Variants in CACNA2D1 observed in about 807,000 individuals in gnomAD.
CACNA2D1 encodes voltage-dependent calcium channel subunit alpha-2/delta-1.
Under a neutral mutation model 171.5 loss-of-function variants are expected in CACNA2D1, and 53 were observed. That is an observed-to-expected ratio of 0.31 (90% CI 0.25 to 0.39). The LOEUF is 0.39. CACNA2D1 is among the 10% of genes least tolerant of loss of function. The probability of loss-of-function intolerance (pLI) is 1.00; values close to 1 mark genes in which losing one functional copy is unlikely to be tolerated. For missense variants in CACNA2D1, 903 were observed against 1,299.8 expected (o/e 0.69, Z 4.69); for synonymous variants, 442 against 443.1 (o/e 1.00, Z 0.03).
intron 1 of CACNA2D1, among the ~76,000 whole-genome samples, chr7:82,373,425 T>C (rs2129448494): frequency 6.6e-6 from 1 of 152,314 alleles, no homozygotes; most frequent in Non-Finnish European, 1.5e-5. Context: ...CTCCCGTCTG[T>C]TCCTCAAGCA....
chr7:81,986,861 A>G (rs1797027766), intron 21 of CACNA2D1, among the ~76,000 whole-genome samples: 1 of 152,188 alleles, frequency 6.6e-6, no homozygotes. Context: ...CATTTACAAA[A>G]TGTACAGCAG....
At chr7:82,204,198 C>A (rs763420107) in intron 3 of CACNA2D1, among the ~76,000 whole-genome samples, 7 of 152,166 alleles carry the variant, frequency 4.6e-5, no homozygotes, top group Non-Finnish European at 1.0e-4. Context: ...CAGGTGTGGA[C>A]AAAGTAGTCA....
intron 1 of CACNA2D1, among the ~76,000 whole-genome samples, chr7:82,389,325 C>T (rs1032422378): frequency 2.6e-5 from 4 of 151,516 alleles, no homozygotes; most frequent in African/African-American, 7.3e-5. Context: ...GTTATCTCTG[C>T]CACCCTGCAA....
intron 3 of CACNA2D1, among the ~76,000 whole-genome samples, chr7:82,281,905 G>C (rs1585324078): frequency 1.3e-5 from 2 of 151,890 alleles, no homozygotes; most frequent in Non-Finnish European, 2.9e-5. Context: ...TTTCATGATA[G>C]CAATTTTGAA....
At chr7:82,290,684 C>T (rs944462588) in intron 3 of CACNA2D1, among the ~76,000 whole-genome samples, 10 of 151,498 alleles carry the variant, frequency 6.6e-5, no homozygotes, top group Non-Finnish European at 1.0e-4. Flanking sequence ...ACAACCTCTG[C>T]CTCCTAGGTT....
At chr7:82,148,103 A>G (rs909897624) in intron 4 of CACNA2D1, among the ~76,000 whole-genome samples, 2 of 152,178 alleles carry the variant, frequency 1.3e-5, no homozygotes, top group Non-Finnish European at 2.9e-5. Context: ...ACAATAATCA[A>G]ATAGAATAAT....
chr7:82,325,908 G>T (rs1242618193), intron 3 of CACNA2D1, among the ~76,000 whole-genome samples: 1 of 152,236 alleles, frequency 6.6e-6, no homozygotes, highest in East Asian at 1.9e-4. Context: ...CCCATGTCTG[G>T]ATAGGTTTCC....
intron 1 of CACNA2D1, among the ~76,000 whole-genome samples, chr7:82,438,457 T>C (rs1201195506): frequency 6.6e-6 from 1 of 152,204 alleles, no homozygotes; most frequent in Non-Finnish European, 1.5e-5. Flanking sequence ...GGTAGTAACA[T>C]AGTATTTTTT....
At position 82,170,542 on chromosome 7, in the gene CACNA2D1, G is replaced by T. The variant is rs756314361; in HGVS notation, c.354+8C>A. ...TATTTAAATCAAGTAGTTAAAAGGG[G>T]TTCTTACTGCAAAATCTTCTCTCCA... On this transcript the variant is annotated splice_region_variant and intron_variant, in intron 4 of 38. Transcript: ENST00000356860. The T allele has an allele frequency of 3.7e-6, 6 of 1,607,918 alleles. No homozygotes were observed. Among genetic ancestry groups the T allele is most frequent in the Admixed American group, 1.7e-5 (1 of 59,876 alleles).
At chr7:82,360,846 G>T (rs1423117330) in intron 1 of CACNA2D1, among the ~76,000 whole-genome samples, 1 of 152,054 alleles carries the variant, frequency 6.6e-6, no homozygotes, top group East Asian at 1.9e-4. Context: ...CTAAGACAGG[G>T]TTTATTTAAC....
chr7:82,115,534 C>T (rs1354943981), intron 6 of CACNA2D1, among the ~76,000 whole-genome samples: 1 of 151,778 alleles, frequency 6.6e-6, no homozygotes, highest in Non-Finnish European at 1.5e-5. Flanking sequence ...TATACACACA[C>T]ACACATATAT....
chr7:82,001,085 T>C (rs1165027650), intron 18 of CACNA2D1, among the ~76,000 whole-genome samples: 2 of 152,174 alleles, frequency 1.3e-5, no homozygotes. Flanking sequence ...TTAGAAATAT[T>C]GTATACATGT....
In CACNA2D1 at chr7:82,170,488, T is replaced by C. The variant is rs1156842264; in HGVS notation, c.354+62A>G. The C allele has an allele frequency of 3.8e-6, 4 of 1,055,378 alleles. No homozygotes were observed. The African/African-American group carries it at 4.7e-5, about 12-fold the overall frequency. 65.4% of individuals were successfully genotyped at this position (1,055,378 alleles called of 1,614,324 possible). A position where few individuals can be genotyped will look rare whatever the true frequency, so the allele number is the denominator to read the frequency against. Reference sequence around the variant, plus strand: ...TCATTAAAATATATTTTAATATGCATGTAATTATCCATACACAATATGTCA... The same window carrying C: ...TCATTAAAATATATTTTAATATGCACGTAATTATCCATACACAATATGTCA... On this transcript the variant is annotated intron_variant, in intron 4 of 38. Transcript: ENST00000356860.
At chr7:82,297,177 G>A (rs1197038300) in intron 3 of CACNA2D1, among the ~76,000 whole-genome samples, 1 of 151,786 alleles carries the variant, frequency 6.6e-6, no homozygotes, top group African/African-American at 2.4e-5. Context: ...CTTGAGCCCA[G>A]GAGGCTGAGG....
chr7:82,285,510 T>C (rs907035850), intron 3 of CACNA2D1, among the ~76,000 whole-genome samples: 3 of 152,104 alleles, frequency 2.0e-5, no homozygotes, highest in African/African-American at 7.2e-5. Context: ...GTAACTGTTA[T>C]AAAAAAAGTA....
chr7:82,166,727 A>AC (rs1486506955), intron 4 of CACNA2D1, among the ~76,000 whole-genome samples: 2 of 151,988 alleles, frequency 1.3e-5, no homozygotes, highest in Non-Finnish European at 2.9e-5. Context: ...TTGTATGGAG[A>AC]CCTAGCAGGC....
intron 25 of CACNA2D1, 136 bp downstream of exon 25, chr7:81,974,319 C>A: frequency 1.8e-6 from 1 of 545,176 alleles, no homozygotes; most frequent in South Asian, 2.4e-5. Context: ...CAAATTGTTA[C>A]ATTTTACTAT....
intron 1 of CACNA2D1, among the ~76,000 whole-genome samples, chr7:82,359,805 G>A (rs1367210864): frequency 6.6e-6 from 1 of 152,088 alleles, no homozygotes; most frequent in Non-Finnish European, 1.5e-5. Context: ...AGCTTATCAT[G>A]TTCTGAAACT....
intron 3 of CACNA2D1, among the ~76,000 whole-genome samples, chr7:82,192,573 G>C (rs1041098459): frequency 3.3e-5 from 5 of 150,010 alleles, no homozygotes; most frequent in Non-Finnish European, 7.4e-5. Context: ...GTATAAAGTA[G>C]AAAGATCAAC....
Sources: gnomAD v4.1 joint callset for allele counts (sites outside exome capture counted in the v4.1 genomes callset) on GRCh38, gnomAD v4.1.1 for gene constraint, MANE v1.5 for transcripts, NCBI Gene and HGNC (gene_info 2026-07-23, HGNC 2026-07-21) for gene names.